Variants in CRADD observed in about 807,000 individuals in gnomAD.
CRADD encodes CARD and death domain containing adaptor protein, also known as death domain-containing protein CRADD.
A neutral mutation model predicts 15.5 loss-of-function variants in CRADD; 9 were observed. The ratio of observed to expected loss-of-function variants is 0.58; its 90% CI spans 0.35 to 1.01. The LOEUF (loss-of-function observed/expected upper bound fraction) is 1.01, where lower values mean the gene tolerates loss of function less well. CRADD is among the 50% of genes least tolerant of loss of function. CRADD has a pLI of 0.02. For missense variants in CRADD, 227 were observed against 250.3 expected, an observed-to-expected ratio of 0.91 and a Z score of 0.63; for synonymous variants, 118 against 107.6, an observed-to-expected ratio of 1.10 and a Z score of -0.60.
chr12:93,717,111 T>A (rs894009482), intron 2 of CRADD, among the ~76,000 whole-genome samples: 4 of 152,338 alleles, frequency 2.6e-5, no homozygotes, highest in African/African-American at 9.6e-5. Flanking sequence ...TTAATTTGTG[T>A]TTCCTTAATG....
intron 2 of CRADD, among the ~76,000 whole-genome samples, chr12:93,820,668 G>C (rs1957760075): frequency 6.6e-6 from 1 of 152,206 alleles, no homozygotes; most frequent in South Asian, 2.1e-4. Context: ...TGGTGCTCAT[G>C]TGTTTGCCAC....
intron 2 of CRADD, among the ~76,000 whole-genome samples, chr12:93,691,269 T>C (rs1214149095): frequency 1.3e-5 from 2 of 151,516 alleles, no homozygotes; most frequent in Non-Finnish European, 2.9e-5. Flanking sequence ...TTTTTTTTTT[T>C]TGAGACAGAG....
intron 2 of CRADD, among the ~76,000 whole-genome samples, chr12:93,861,714 C>G (rs933316738): frequency 6.6e-6 from 1 of 152,242 alleles, no homozygotes; most frequent in African/African-American, 2.4e-5. Flanking sequence ...AAGAGTACCC[C>G]CTAATAAACT....
At chr12:93,848,388 A>C (rs1307709676) in intron 2 of CRADD, among the ~76,000 whole-genome samples, 3 of 152,220 alleles carry the variant, frequency 2.0e-5, no homozygotes, top group African/African-American at 7.2e-5. Flanking sequence ...CAGCTCTTGT[A>C]ATAAGGTGCC....
At chr12:93,819,142 C>T (rs76532867) in intron 2 of CRADD, among the ~76,000 whole-genome samples, 12,016 of 152,312 alleles carry the variant, frequency 0.079, 525 homozygotes, top group Middle Eastern at 0.2. Context: ...CTTGGCCCGC[C>T]CTGTCCGCCT....
At chr12:93,720,880 A>G (rs1956248505) in intron 2 of CRADD, among the ~76,000 whole-genome samples, 1 of 152,114 alleles carries the variant, frequency 6.6e-6, no homozygotes, top group Admixed American at 6.5e-5. Context: ...CTGTTTTTCA[A>G]TTAGTGTGTT....
intron 2 of CRADD, among the ~76,000 whole-genome samples, chr12:93,803,677 A>G (rs961974736): frequency 2.0e-5 from 3 of 152,116 alleles, no homozygotes; most frequent in African/African-American, 7.2e-5. Context: ...GAAACAAAAC[A>G]AAACAGAAAC....
intron 2 of CRADD, among the ~76,000 whole-genome samples, chr12:93,717,321 ATCT>A (rs1458269477): frequency 2.6e-5 from 4 of 152,116 alleles, no homozygotes; most frequent in Admixed American, 2.0e-4. Flanking sequence ...AGTCTAACTC[ATCT>A]TCTCATTCTC....
intron 2 of CRADD, among the ~76,000 whole-genome samples, chr12:93,884,045 A>C (rs867833421): frequency 4.6e-5 from 7 of 152,134 alleles, no homozygotes; most frequent in African/African-American, 1.7e-4. Flanking sequence ...CTTCTGCCAT[A>C]GTTTTTTGAT....
intron 2 of CRADD, among the ~76,000 whole-genome samples, chr12:93,886,453 G>A (rs1205717236): frequency 6.6e-6 from 1 of 152,096 alleles, no homozygotes. Context: ...GAGCCACTGC[G>A]CCCAGCCTGC....
chr12:93,854,615 A>G (rs548031281), downstream of CRADD, among the ~76,000 whole-genome samples: 1 of 152,244 alleles, frequency 6.6e-6, no homozygotes, highest in South Asian at 2.1e-4. Context: ...TTGAAAAACA[A>G]TCTTTGGCTA....
chr12:93,852,904 A>G (rs1471461122), downstream of CRADD, among the ~76,000 whole-genome samples: 3 of 151,676 alleles, frequency 2.0e-5, no homozygotes, highest in African/African-American at 7.3e-5. Flanking sequence ...TGTTTTTAAA[A>G]CTATAACTTT....
At chr12:93,687,067 AT>A (rs1371589077) in intron 2 of CRADD, among the ~76,000 whole-genome samples, 1 of 152,136 alleles carries the variant, frequency 6.6e-6, no homozygotes, top group Admixed American at 6.5e-5. Flanking sequence ...TTGTCACAAG[AT>A]TTTTTTCTTC....
chr12:93,816,353 ATTACAGGCGTGT>A (rs1957696914), intron 2 of CRADD, among the ~76,000 whole-genome samples: 4 of 147,992 alleles, frequency 2.7e-5, no homozygotes, highest in African/African-American at 1.0e-4. Context: ...AGTAGCTGGG[ATTACAGGCGTGT>A]GCCGTGATGC....
At chr12:93,729,628 A>G (rs1956428799) in intron 2 of CRADD, among the ~76,000 whole-genome samples, 2 of 151,990 alleles carry the variant, frequency 1.3e-5, no homozygotes, top group Admixed American at 1.3e-4. Context: ...TCTACTAAAA[A>G]TACAGAATTA....
chr12:93,849,110 A>G (rs374333335), intron 2 of CRADD: 2 of 152,004 alleles, frequency 1.3e-5, no homozygotes, highest in South Asian at 2.1e-4. Context: ...TTCAAGTTCA[A>G]CCTCATCGGC....
At chr12:93,702,072 G>C (rs1955853875) in intron 2 of CRADD, among the ~76,000 whole-genome samples, 1 of 151,892 alleles carries the variant, frequency 6.6e-6, no homozygotes, top group Admixed American at 6.6e-5. Flanking sequence ...ACCATCGAAT[G>C]CCATCCCCTT....
At chr12:93,759,316 T>G (rs1592966328) in intron 2 of CRADD, among the ~76,000 whole-genome samples, 1 of 152,090 alleles carries the variant, frequency 6.6e-6, no homozygotes, top group Non-Finnish European at 1.5e-5. Flanking sequence ...TATGGTAAAA[T>G]TATTACAGTT....
intron 2 of CRADD, among the ~76,000 whole-genome samples, chr12:93,867,388 C>CATACATATATATATATATAT (rs1958377179): frequency 1.9e-5 from 1 of 52,588 alleles, no homozygotes; most frequent in African/African-American, 6.4e-5. Context: ...TTGTATTTGA[C>CATACATATATATATATATAT]ATATATATAT....
Sources: gnomAD v4.1 joint callset for allele counts (sites outside exome capture counted in the v4.1 genomes callset) on GRCh38, gnomAD v4.1.1 for gene constraint, MANE v1.5 for transcripts, NCBI Gene and HGNC (gene_info 2026-07-23, HGNC 2026-07-21) for gene names.